GRM8: variants seen among roughly 807,000 people sequenced by gnomAD.
GRM8 encodes metabotropic glutamate receptor 8.
Under a neutral mutation model 87.2 loss-of-function variants are expected in GRM8, and 47 were observed. The observed-to-expected ratio is 0.54, with a 90% CI of 0.43 to 0.69. The LOEUF is 0.69. Ranked by LOEUF, GRM8 falls within the 30% of genes least tolerant of loss-of-function variation. The pLI is 0.00. For synonymous variants in GRM8, 396 were observed against 404.5 expected (o/e 0.98, Z 0.25); for missense variants, 1,019 against 1,139.2 (o/e 0.89, Z 1.52).
intron 3 of GRM8, among the ~76,000 whole-genome samples, chr7:126,958,464 C>T (rs761908517): frequency 1.6e-4 from 24 of 152,184 alleles, no homozygotes; most frequent in Non-Finnish European, 2.6e-4. Context: ...CTGGTCCAGC[C>T]GCAGCCTTGC....
chr7:127,197,409 G>T (rs886001), intron 2 of GRM8, among the ~76,000 whole-genome samples: 1 of 152,050 alleles, frequency 6.6e-6, no homozygotes, highest in East Asian at 1.9e-4. Flanking sequence ...CAGAGGAGTT[G>T]CTAAGTTACT....
At chr7:126,871,515 T>C (rs993627791) in intron 6 of GRM8, among the ~76,000 whole-genome samples, 1 of 152,180 alleles carries the variant, frequency 6.6e-6, no homozygotes. Context: ...ACATTGTATG[T>C]GTGCACTGGT....
At chr7:126,674,141 C>T (rs79066515) in intron 7 of GRM8, among the ~76,000 whole-genome samples, 12 of 152,276 alleles carry the variant, frequency 7.9e-5, no homozygotes, top group South Asian at 2.1e-4. Context: ...TCCCTACTCA[C>T]GCCACTGATT....
In GRM8 at chr7:127,252,164, A is replaced by G. The variant is rs1335911581; in HGVS notation, c.-312+633T>C. ...CGGCGGGGCAAGTCCGGATTCCACC[A>G]GGGCAGGTCCGGGAGGTCACCCAGG... On this transcript the variant is annotated intron_variant, in intron 1 of 10. Coordinates refer to ENST00000339582, the MANE Select transcript of GRM8 (RefSeq NM_000845.3). This position sits in a 1 kb window ranked among gnomAD's most constrained non-coding sequence, Gnocchi z 4.9. The G allele has an allele frequency of 6.6e-6, 1 of 152,132 alleles. No homozygotes were observed. The highest frequency in any genetic ancestry group is 2.4e-5 in the African/African-American group (1 of 41,386). The allele number at this position is 152,132 out of a possible 1,614,324, so 9.4% of individuals were successfully genotyped here. A position where few individuals can be genotyped will look rare whatever the true frequency, so the allele number is the denominator to read the frequency against.
chr7:126,447,401 G>A (rs1802131920), intron 9 of GRM8, among the ~76,000 whole-genome samples: 1 of 151,846 alleles, frequency 6.6e-6, no homozygotes, highest in South Asian at 2.1e-4. Context: ...AGACTGTAAA[G>A]AGATTCTCCC....
intron 6 of GRM8, among the ~76,000 whole-genome samples, chr7:126,791,122 A>G (rs1008095669): frequency 6.6e-6 from 1 of 152,200 alleles, no homozygotes; most frequent in Non-Finnish European, 1.5e-5. Flanking sequence ...ACAATGTGCA[A>G]TAATGACTTG....
At chr7:126,642,727 A>G (rs78667480) in intron 7 of GRM8, among the ~76,000 whole-genome samples, 2,406 of 152,266 alleles carry the variant, frequency 0.016, 51 homozygotes, top group African/African-American at 0.043. Flanking sequence ...CGATAGAGAT[A>G]GAGTTGAAGA....
intron 7 of GRM8, among the ~76,000 whole-genome samples, chr7:126,620,940 C>A (rs1800101590): frequency 6.6e-6 from 1 of 152,000 alleles, no homozygotes; most frequent in Admixed American, 6.6e-5. Flanking sequence ...CTCATGCTAC[C>A]AAAACCTTAT....
chr7:127,093,902 G>A (rs1313899873), intron 3 of GRM8, among the ~76,000 whole-genome samples: 2 of 152,258 alleles, frequency 1.3e-5, no homozygotes, highest in African/African-American at 4.8e-5. Flanking sequence ...TTCTACCAAC[G>A]GACGTAACCC....
chr7:126,444,755 G>GT (rs2150458475), intron 10 of GRM8, among the ~76,000 whole-genome samples: 1 of 152,132 alleles, frequency 6.6e-6, no homozygotes, highest in South Asian at 2.1e-4. Context: ...TTAATTTTTA[G>GT]TTTTTTCTTA....
intron 9 of GRM8, among the ~76,000 whole-genome samples, chr7:126,517,806 G>A (rs1218640711): frequency 6.6e-6 from 1 of 152,000 alleles, no homozygotes; most frequent in East Asian, 1.9e-4. Flanking sequence ...AAGTCTAAGG[G>A]AAATAATTAT....
chr7:126,926,346 C>G (rs1805118582), intron 3 of GRM8, among the ~76,000 whole-genome samples: 1 of 152,150 alleles, frequency 6.6e-6, no homozygotes, highest in South Asian at 2.1e-4. Flanking sequence ...ACACCCCTCA[C>G]TGTGCTTAAT....
intron 9 of GRM8, among the ~76,000 whole-genome samples, chr7:126,486,955 A>G (rs563067321): frequency 1.0e-3 from 156 of 152,184 alleles, no homozygotes; most frequent in African/African-American, 3.6e-3. Context: ...CATATTTCCA[A>G]AACACTTATA....
At chr7:127,002,063 T>C (rs866806314) in intron 3 of GRM8, among the ~76,000 whole-genome samples, 1 of 151,560 alleles carries the variant, frequency 6.6e-6, no homozygotes, top group African/African-American at 2.4e-5. Context: ...GACTACAAAG[T>C]GGCAGAAAGA....
intron 3 of GRM8, among the ~76,000 whole-genome samples, chr7:127,035,225 A>G (rs138686609): frequency 2.0e-5 from 3 of 152,210 alleles, no homozygotes; most frequent in African/African-American, 7.2e-5. Context: ...ACTAGCCCAG[A>G]TCCCCTGGAA....
chr7:127,155,535 C>T (rs139343730), intron 2 of GRM8, among the ~76,000 whole-genome samples: 98 of 152,238 alleles, frequency 6.4e-4, no homozygotes, highest in African/African-American at 2.0e-3. Context: ...AACCATCAAC[C>T]CTTGAGAAGG....
chr7:127,180,181 A>C (rs1007570253), intron 2 of GRM8, among the ~76,000 whole-genome samples: 11 of 152,132 alleles, frequency 7.2e-5, no homozygotes, highest in African/African-American at 2.2e-4. Flanking sequence ...TACAACTGAC[A>C]CCACTGAAAT....
chr7:126,629,365 A>G (rs932660422), intron 7 of GRM8, among the ~76,000 whole-genome samples: 2 of 152,234 alleles, frequency 1.3e-5, no homozygotes, highest in Non-Finnish European at 2.9e-5. Context: ...CTTTTTAAAG[A>G]GTAAAATCAG....
chr7:127,040,622 A>C (rs1405342748), intron 3 of GRM8, among the ~76,000 whole-genome samples: 1 of 149,124 alleles, frequency 6.7e-6, no homozygotes, highest in Non-Finnish European at 1.5e-5. Flanking sequence ...AAAAAAAGAG[A>C]CTGGCTACCC....
Sources: gnomAD v4.1 joint callset for allele counts (sites outside exome capture counted in the v4.1 genomes callset) on GRCh38, gnomAD v4.1.1 for gene constraint, Gnocchi (gnomAD v3.1) non-coding constraint, MANE v1.5 for transcripts, NCBI Gene and HGNC (gene_info 2026-07-23, HGNC 2026-07-21) for gene names.